The following ATP9A variants were observed in gnomAD, a reference collection of about 807,000 sequenced individuals.
ATP9A encodes probable phospholipid-transporting ATPase IIA.
In ATP9A, 52 loss-of-function variants were observed where a neutral mutation model predicts 144.1. That is an observed-to-expected ratio of 0.36 (90% CI 0.29 to 0.45). The LOEUF (loss-of-function observed/expected upper bound fraction) is 0.45. Among genes scored for constraint, ATP9A ranks in the 20% least tolerant of loss-of-function variants. ATP9A has a pLI of 1.00. For missense variants in ATP9A, 947 were observed against 1,392.7 expected (o/e 0.68, Z 5.09); for synonymous variants, 582 against 557.4 (o/e 1.04, Z -0.62).
intron 13 of ATP9A, among the ~76,000 whole-genome samples, chr20:51,658,888 C>CGGTGGGGG (rs746874247): frequency 2.7e-4 from 15 of 54,824 alleles, no homozygotes; most frequent in Admixed American, 7.0e-4. Context: ...AGACCACTGG[C>CGGTGGGGG]GGGGGGGGGG....
chr20:51,725,324 G>A (rs2077707622), intron 3 of ATP9A, among the ~76,000 whole-genome samples: 1 of 152,042 alleles, frequency 6.6e-6, no homozygotes, highest in African/African-American at 2.4e-5. Flanking sequence ...GTTTCACCAT[G>A]TTGCCCAGGC....
chr20:51,614,561 A>G (rs1325993450), intron 22 of ATP9A, among the ~76,000 whole-genome samples: 1 of 152,126 alleles, frequency 6.6e-6, no homozygotes, highest in Non-Finnish European at 1.5e-5. Flanking sequence ...TCAGCCTCCC[A>G]AAGTGCTGGG....
At chr20:51,707,225 A>G (rs749547861) in intron 4 of ATP9A, among the ~76,000 whole-genome samples, 11 of 152,146 alleles carry the variant, frequency 7.2e-5, no homozygotes, top group Non-Finnish European at 1.6e-4. Flanking sequence ...TAATTTCTGA[A>G]TAAGGGTCCC....
intron 14 of ATP9A, among the ~76,000 whole-genome samples, chr20:51,655,649 T>C (rs1036135812): frequency 6.6e-6 from 1 of 152,066 alleles, no homozygotes; most frequent in Non-Finnish European, 1.5e-5. Flanking sequence ...GACCGAGATG[T>C]GGAGAAACGG....
chr20:51,747,607 C>T (rs542303913), intron 1 of ATP9A, among the ~76,000 whole-genome samples: 1 of 152,340 alleles, frequency 6.6e-6, no homozygotes, highest in East Asian at 1.9e-4. Flanking sequence ...GAGGAACAAA[C>T]ACCTCCTCTG....
intron 27 of ATP9A, 97 bp downstream of exon 27, chr20:51,604,720 G>C (rs748193230): frequency 1.7e-6 from 2 of 1,153,450 alleles, no homozygotes; most frequent in Non-Finnish European, 2.3e-6. Context: ...AGCCCAGGCC[G>C]AGCGCTGGGA....
intron 1 of ATP9A, among the ~76,000 whole-genome samples, chr20:51,763,413 C>T (rs1018847844): frequency 4.0e-5 from 6 of 151,196 alleles, no homozygotes; most frequent in African/African-American, 1.5e-4. Context: ...CCTGGGTTCA[C>T]GCCATTCTCC....
rs1555831758 is a variant in ATP9A at position 51,642,148 on chromosome 20, G to GT, written c.1507-2645dup. Among the ~76,000 whole-genome samples the GT allele has an allele frequency of 1.2e-4, 18 of 150,906 alleles. 2 individuals carry two copies. Among genetic ancestry groups the GT allele is most frequent in the East Asian group, 3.9e-4 (2 of 5,148 alleles). The stretch of plus-strand genomic sequence containing the variant: ...AATTACTGTGCATCTGTTTTTTTTT[G>GT]TTTGTTTTGTTTTGTTTTGTTTTCG... On this transcript the variant is annotated intron_variant, in intron 14 of 27. Coordinates refer to ENST00000338821, the MANE Select transcript of ATP9A (RefSeq NM_006045.3).
Position 51,618,686 on chromosome 20 carries a change from T to G in ATP9A, c.2326A>C (p.Thr776Pro). The stretch of plus-strand genomic sequence containing the variant: ...CCTACTGCACAGGTGAGCTTGCCCG[T>G]GCGCTCCTGAAGCAGGCGCACGATC... The part of the protein sequence containing the change: ...AQIVRLLQER[T>P]GKLTCAVGDG... Residue 776 changes from threonine (T) to proline (P), a missense_variant, in exon 21 of 28, where the codon ACG becomes CCG. By Grantham distance (38) the Thr-to-Pro change is conservative (BLOSUM62 -1). Around this residue, in one of 2 missense-constraint regions of ATP9A, gnomAD observed 770 missense variants for 1,047.9 expected, o/e 0.73. Transcript: ENST00000338821. 6.2e-7 allele frequency: 1 copy of G among 1,612,938 alleles called. No individual in the cohort carries two copies. Among genetic ancestry groups the G allele is most frequent in the Non-Finnish European group, 8.5e-7 (1 of 1,179,888 alleles).
chr20:51,622,301 C>T, intron 18 of ATP9A, 129 bp from the exon 19 acceptor site: 1 of 714,144 alleles, frequency 1.4e-6, no homozygotes, highest in Non-Finnish European at 2.4e-6. Flanking sequence ...CCGACTCATG[C>T]TGTCCCCAAC....
chr20:51,717,113 A>G (rs561481400), intron 3 of ATP9A, among the ~76,000 whole-genome samples: 9 of 149,784 alleles, frequency 6.0e-5, no homozygotes, highest in Non-Finnish European at 1.0e-4. Flanking sequence ...CGGAAGTTAC[A>G]GTGAGCTGAG....
At chr20:51,651,869 C>T (rs1228959690) in intron 14 of ATP9A, among the ~76,000 whole-genome samples, 1 of 152,088 alleles carries the variant, frequency 6.6e-6, no homozygotes, top group Admixed American at 6.6e-5. Context: ...GCGGAGATTG[C>T]AGTGAGCCAA....
chr20:51,629,213 G>A (rs1404472868), intron 15 of ATP9A, 141 bp from the exon 16 acceptor site: 3 of 584,376 alleles, frequency 5.1e-6, no homozygotes, highest in Admixed American at 3.0e-5. Context: ...GATGAAAAGC[G>A]AGAAGGGGCC....
chr20:51,717,296 C>T (rs917077335), intron 3 of ATP9A, among the ~76,000 whole-genome samples: 3 of 151,588 alleles, frequency 2.0e-5, no homozygotes, highest in African/African-American at 7.3e-5. Flanking sequence ...GAAGACGTTT[C>T]AAAATGTCTT....
intron 1 of ATP9A, 81 bp from the exon 2 acceptor site, chr20:51,730,059 C>G: frequency 7.4e-7 from 1 of 1,356,230 alleles, no homozygotes; most frequent in African/African-American, 1.5e-5. Context: ...TCGCAGATTG[C>G]TTTTCTCTAC....
chr20:51,606,321 T>C (rs2077163357), intron 26 of ATP9A, among the ~76,000 whole-genome samples: 1 of 152,182 alleles, frequency 6.6e-6, no homozygotes, highest in South Asian at 2.1e-4. Context: ...TGTGTACCTG[T>C]CCAGATATAT....
chr20:51,639,511 A>G lies in ATP9A; in HGVS notation c.1507-7T>C, dbSNP rs1488422361. On this transcript the variant is annotated splice_polypyrimidine_tract_variant and splice_region_variant and intron_variant, in intron 14 of 27. Coordinates refer to ENST00000338821, the MANE Select transcript of ATP9A (RefSeq NM_006045.3). ...TCCACTGTACCAGGGCCACCTAAAC[A>G]TAACACAGGGTCGAAGGTCAGATGC... The G allele has an allele frequency of 5.6e-6, 9 of 1,605,284 alleles. No homozygotes were observed. The highest frequency in any genetic ancestry group is 1.7e-4 in the Middle Eastern group (1 of 5,926).
intron 17 of ATP9A, 151 bp from the exon 18 acceptor site, chr20:51,625,513 G>A: frequency 2.4e-6 from 2 of 833,046 alleles, no homozygotes; most frequent in Non-Finnish European, 3.6e-6. Context: ...GGGTGACATA[G>A]GCTTCCAGCT....
At chr20:51,693,970 G>C (rs957665544) in intron 7 of ATP9A, 38 bp downstream of exon 7, 2 of 1,568,888 alleles carry the variant, frequency 1.3e-6, no homozygotes, top group African/African-American at 2.7e-5. Context: ...TGCTAAGATA[G>C]GTTGCCCGCA....
Sources: gnomAD v4.1 joint callset for allele counts (sites outside exome capture counted in the v4.1 genomes callset) on GRCh38, gnomAD v4.1.1 for gene constraint, gnomAD v4.1.1 regional missense constraint, MANE v1.5 for transcripts, NCBI Gene and HGNC (gene_info 2026-07-23, HGNC 2026-07-21) for gene names.